CDKN2AIPNL: variants seen among roughly 807,000 people sequenced by gnomAD.
The protein encoded by CDKN2AIPNL is XRN2 binding domain containing 1.
A neutral mutation model predicts 12.9 loss-of-function variants in CDKN2AIPNL; 9 were observed. That is an observed-to-expected ratio of 0.70 (90% CI 0.42 to 1.22). CDKN2AIPNL has a LOEUF of 1.22. Among genes scored for constraint, CDKN2AIPNL ranks in the 50% most tolerant of loss-of-function variants. The probability of loss-of-function intolerance (pLI) is 0.00; values close to 1 mark genes in which losing one functional copy is unlikely to be tolerated. For missense variants in CDKN2AIPNL, 143 were observed against 153.6 expected (o/e 0.93, Z 0.37); for synonymous variants, 53 against 61.7 (o/e 0.86, Z 0.66).
chr5:134,409,091 A>G (rs1408493587), intron 2 of CDKN2AIPNL, among the ~76,000 whole-genome samples: 2 of 152,192 alleles, frequency 1.3e-5, no homozygotes, highest in Non-Finnish European at 1.5e-5. Flanking sequence ...AGTCGATTTT[A>G]TAAGTATTTT....
intron 1 of CDKN2AIPNL, 22 bp downstream of exon 1, chr5:134,411,594 G>A (rs376196194): frequency 1.2e-5 from 19 of 1,599,480 alleles, no homozygotes; most frequent in Non-Finnish European, 1.6e-5. Context: ...GACAGGATCA[G>A]CCGGCCGGCA....
chr5:134,406,251 G>A (rs1464666101), intron 2 of CDKN2AIPNL, among the ~76,000 whole-genome samples: 1 of 152,168 alleles, frequency 6.6e-6, no homozygotes, highest in Non-Finnish European at 1.5e-5. Flanking sequence ...TGTCTGTCTT[G>A]AGATACCAAC....
Position 134,411,827 on chromosome 5 carries a change from C to CT in CDKN2AIPNL, c.27dup (p.Val10SerfsTer74). The CT allele has an allele frequency of 6.3e-7, 1 of 1,580,902 alleles. No individual in the cohort carries two copies. The highest frequency in any genetic ancestry group is 8.6e-7 in the Non-Finnish European group (1 of 1,164,660). On this transcript the variant is annotated frameshift_variant, in exon 1 of 3. Transcript: ENST00000458198. LOFTEE classifies it high-confidence loss of function. Reference sequence around the variant, plus strand: ...CGCACCCCCGAAACCAGCTCCTCCACTGCGGCAGCCGCCTCGCCACCGACC... The same window carrying CT: ...CGCACCCCCGAAACCAGCTCCTCCACTTGCGGCAGCCGCCTCGCCACCGACC...
At chr5:134,407,344 T>TA (rs1313083410) in intron 2 of CDKN2AIPNL, among the ~76,000 whole-genome samples, 1 of 151,774 alleles carries the variant, frequency 6.6e-6, no homozygotes, top group East Asian at 1.9e-4. Flanking sequence ...CAAACCTCCT[T>TA]AGTCTCCTAC....
intron 1 of CDKN2AIPNL, chr5:134,411,211 G>A: frequency 3.0e-6 from 2 of 658,036 alleles, no homozygotes; most frequent in South Asian, 3.2e-5. Flanking sequence ...TTTTTCATCT[G>A]TAAAATGGGG....
chr5:134,409,523 C>G (rs1281926771), intron 2 of CDKN2AIPNL, among the ~76,000 whole-genome samples: 2 of 152,194 alleles, frequency 1.3e-5, no homozygotes, highest in Non-Finnish European at 1.5e-5. Context: ...CCAAACAAGT[C>G]AGGTCGGCAC....
intron 2 of CDKN2AIPNL, among the ~76,000 whole-genome samples, chr5:134,403,223 A>T (rs1195170768): frequency 5.3e-5 from 8 of 152,252 alleles, no homozygotes; most frequent in Admixed American, 5.2e-4. Context: ...CATGCTTTGC[A>T]GTGAAAGGTT....
rs5871539 is a variant in CDKN2AIPNL, at chr5:134,407,256, A to AACACACACACACAC, written c.339+2633_339+2646dup. On this transcript the variant is annotated intron_variant, in intron 2 of 2. Coordinates refer to ENST00000458198, the MANE Select transcript of CDKN2AIPNL (RefSeq NM_080656.3). ...AGGATGTTTCAGAAAGACCCTTCCT[A>AACACACACACACAC]ACACACACACACACACACACACACA... Among the ~76,000 whole-genome samples, 934 of 139,690 alleles carry AACACACACACACAC rather than the reference A, an allele frequency of 6.7e-3. 10 individuals carry two copies. The highest frequency in any genetic ancestry group is 8.5e-3 in the Non-Finnish European group (553 of 64,876). 91.6% of individuals were successfully genotyped at this position (139,690 alleles called of 152,430 possible).
At chr5:134,409,608 A>G (rs1344538946) in intron 2 of CDKN2AIPNL, among the ~76,000 whole-genome samples, 2 of 152,218 alleles carry the variant, frequency 1.3e-5, no homozygotes, top group African/African-American at 4.8e-5. Flanking sequence ...AAACTTAAGT[A>G]TTCTAGCCAA....
intron 2 of CDKN2AIPNL, among the ~76,000 whole-genome samples, chr5:134,404,700 C>G (rs1040073022): frequency 6.6e-6 from 1 of 152,058 alleles, no homozygotes; most frequent in African/African-American, 2.4e-5. Flanking sequence ...ACCAAGGGAG[C>G]GGCAGCTCTA....
chr5:134,408,822 C>G (rs963912460), intron 2 of CDKN2AIPNL, among the ~76,000 whole-genome samples: 12 of 152,096 alleles, frequency 7.9e-5, no homozygotes, highest in Non-Finnish European at 1.5e-4. Context: ...AAGCTTTTCC[C>G]CAGGTTCAGA....
chr5:134,409,806 G>A, intron 2 of CDKN2AIPNL, 97 bp downstream of exon 2: 3 of 712,856 alleles, frequency 4.2e-6, no homozygotes, highest in South Asian at 1.9e-5. Context: ...GGGCAGTAAA[G>A]AGCATTCAAA....
In CDKN2AIPNL at chr5:134,411,080, G is replaced by A. The variant is rs1286333208; in HGVS notation, c.239+536C>T. ...AGCTGGTTCCTACTTAGGACCCCGTGGGCTGTGGAGTGAGGAGAAAAAGCC... is the reference window on the plus strand; with the variant it reads ...AGCTGGTTCCTACTTAGGACCCCGTAGGCTGTGGAGTGAGGAGAAAAAGCC... On this transcript the variant is annotated intron_variant, in intron 1 of 2. Coordinates refer to ENST00000458198, the MANE Select transcript of CDKN2AIPNL (RefSeq NM_080656.3). 5.7e-6 allele frequency: 4 copies of A among 702,560 alleles called. No individual in the cohort carries two copies. The East Asian group carries it at 8.0e-5, about 14-fold the overall frequency. The allele number at this position is 702,560 out of a possible 1,614,324, so 43.5% of individuals were successfully genotyped here.
At chr5:134,410,796 G>C in intron 1 of CDKN2AIPNL, 1 of 559,596 alleles carries the variant, frequency 1.8e-6, no homozygotes, top group African/African-American at 1.9e-5. Flanking sequence ...ACCAGAGTCA[G>C]GCAGCCATAA....
chr5:134,408,753 G>A (rs565584851), intron 2 of CDKN2AIPNL, among the ~76,000 whole-genome samples: 9 of 152,196 alleles, frequency 5.9e-5, no homozygotes, highest in Middle Eastern at 3.4e-3. Flanking sequence ...TTTGTCAGGA[G>A]TACTGTGTTG....
chr5:134,405,108 C>CT (rs66512248), intron 2 of CDKN2AIPNL, among the ~76,000 whole-genome samples: 155 of 131,650 alleles, frequency 1.2e-3, no homozygotes, highest in Middle Eastern at 3.8e-3. Flanking sequence ...CGTCATTTTT[C>CT]TTTTTTTTTT....
In CDKN2AIPNL at chr5:134,402,762, A is replaced by G. The variant is rs948627089; in HGVS notation, c.*153T>C. ...CCTGGGAAAATGAGAATGTTAAAAAAGCCAATCTAGACAGAGTCCTTCTCA... is the reference window on the plus strand; with the variant it reads ...CCTGGGAAAATGAGAATGTTAAAAAGGCCAATCTAGACAGAGTCCTTCTCA... On this transcript the variant is annotated 3_prime_UTR_variant, in exon 3 of 3. Transcript: ENST00000458198. The G allele has an allele frequency of 1.8e-6, 1 of 547,734 alleles. No homozygotes were observed. Among genetic ancestry groups the G allele is most frequent in the Non-Finnish European group, 3.1e-6 (1 of 318,542 alleles). The allele number at this position is 547,734 out of a possible 1,614,324, so 33.9% of individuals were successfully genotyped here.
At chr5:134,404,593 G>A (rs546162052) in intron 2 of CDKN2AIPNL, among the ~76,000 whole-genome samples, 1 of 151,062 alleles carries the variant, frequency 6.6e-6, no homozygotes, top group Non-Finnish European at 1.5e-5. Flanking sequence ...TTCCCAAAGT[G>A]CTGGGATTAC....
chr5:134,406,320 T>G (rs1234420722), intron 2 of CDKN2AIPNL, among the ~76,000 whole-genome samples: 1 of 152,212 alleles, frequency 6.6e-6, no homozygotes, highest in Non-Finnish European at 1.5e-5. Context: ...TAAACTCTAA[T>G]TTTTTAGCTA....
Sources: gnomAD v4.1 joint callset for allele counts (sites outside exome capture counted in the v4.1 genomes callset) on GRCh38, gnomAD v4.1.1 for gene constraint, MANE v1.5 for transcripts, NCBI Gene and HGNC (gene_info 2026-07-23, HGNC 2026-07-21) for gene names.